The following EYS variants were observed in gnomAD, a reference collection of about 807,000 sequenced individuals.
EYS encodes protein eyes shut homolog.
A neutral mutation model predicts 282.1 loss-of-function variants in EYS; 250 were observed. The observed-to-expected ratio is 0.89, with a 90% CI of 0.80 to 0.98. EYS has a LOEUF of 0.98. Ranked by LOEUF, EYS falls within the 50% of genes least tolerant of loss-of-function variation. The probability of loss-of-function intolerance (pLI) is 0.00; values close to 1 mark genes in which losing one functional copy is unlikely to be tolerated. For synonymous variants in EYS, 1,355 were observed against 1,282.9 expected (o/e 1.06, Z -1.20); for missense variants, 4,016 against 3,709.0 (o/e 1.08, Z -2.15).
Position 64,484,965 on chromosome 6 carries a change from T to C in EYS, c.5645-45613A>G, listed in dbSNP as rs184984356. Among the ~76,000 whole-genome samples the C allele has an allele frequency of 8.9e-3, 1,351 of 151,720 alleles. 11 individuals are homozygous for C. The highest frequency in any genetic ancestry group is 0.014 in the Non-Finnish European group (952 of 67,726). On this transcript the variant is annotated intron_variant, in intron 26 of 42. Transcript: ENST00000503581. Reference sequence around the variant, plus strand: ...TCTAATAAGAGGTATCCACTAGATATGATTTTCAAACAAAAATGTGAAGGG... The same window carrying C: ...TCTAATAAGAGGTATCCACTAGATACGATTTTCAAACAAAAATGTGAAGGG...
intron 12 of EYS, among the ~76,000 whole-genome samples, chr6:65,062,506 T>A (rs922113590): frequency 1.3e-5 from 2 of 151,934 alleles, no homozygotes; most frequent in Non-Finnish European, 2.9e-5. Context: ...CCAGAGTAAT[T>A]TTTTTAAGTG....
At chr6:64,750,954 G>A (rs1772726022) in intron 22 of EYS, among the ~76,000 whole-genome samples, 1 of 151,376 alleles carries the variant, frequency 6.6e-6, no homozygotes, top group Admixed American at 6.6e-5. Context: ...CACTGTCTCT[G>A]CTCCACATTC....
At chr6:64,120,225 G>A (rs899526860) in intron 31 of EYS, among the ~76,000 whole-genome samples, 6 of 150,756 alleles carry the variant, frequency 4.0e-5, no homozygotes, top group Non-Finnish European at 8.9e-5. Context: ...GCATGGTGGC[G>A]GGCCCCTGTA....
intron 1 of EYS, among the ~76,000 whole-genome samples, chr6:65,694,266 A>C (rs898451932): frequency 6.8e-6 from 1 of 147,860 alleles, no homozygotes. Context: ...CTCAAAAAAA[A>C]TAAAAAATAA....
At chr6:64,995,652 T>G (rs573211157) in intron 14 of EYS, among the ~76,000 whole-genome samples, 1 of 152,242 alleles carries the variant, frequency 6.6e-6, no homozygotes, top group Admixed American at 6.5e-5. Flanking sequence ...TATGTTAAAA[T>G]ATATTTAAAC....
chr6:64,318,042 C>T lies in EYS; in HGVS notation c.6079-10960G>A, dbSNP rs540460363. 4.6e-5 allele frequency among the ~76,000 whole-genome samples: 7 copies of T among 151,828 alleles called. No homozygotes were observed. The East Asian group carries it at 1.2e-3, about 25-fold the overall frequency. On this transcript the variant is annotated intron_variant, in intron 29 of 42. Transcript: ENST00000503581. ...AGGGCTTGTCAGGGGGTGGGGGCCT[C>T]GGGGAGGAATAGCATTGGGAGAAAT... is the stretch of plus-strand genomic sequence containing the variant.
At chr6:64,778,702 A>G (rs988258320) in intron 22 of EYS, among the ~76,000 whole-genome samples, 1 of 152,174 alleles carries the variant, frequency 6.6e-6, no homozygotes, top group Non-Finnish European at 1.5e-5. Flanking sequence ...ACCACCAACA[A>G]CAACAAAACT....
At chr6:65,650,716 C>T (rs1021054579) in intron 1 of EYS, among the ~76,000 whole-genome samples, 1 of 152,136 alleles carries the variant, frequency 6.6e-6, no homozygotes, top group African/African-American at 2.4e-5. Context: ...ACAACATTCA[C>T]AGCAGTCCAG....
intron 12 of EYS, among the ~76,000 whole-genome samples, chr6:65,282,807 T>C (rs1435712949): frequency 6.6e-6 from 1 of 152,004 alleles, no homozygotes; most frequent in Non-Finnish European, 1.5e-5. Flanking sequence ...ATAACTATAA[T>C]GTTTTTATTA....
At chr6:64,342,303 G>C (rs1771151102) in intron 29 of EYS, among the ~76,000 whole-genome samples, 1 of 151,650 alleles carries the variant, frequency 6.6e-6, no homozygotes, top group Non-Finnish European at 1.5e-5. Flanking sequence ...AAATGTTAAG[G>C]GCAGCCGGAG....
chr6:65,676,147 A>G (rs1275312851), intron 1 of EYS, among the ~76,000 whole-genome samples: 1 of 151,824 alleles, frequency 6.6e-6, no homozygotes, highest in Non-Finnish European at 1.5e-5. Flanking sequence ...TCTCAAATAA[A>G]CAACCTAACT....
intron 35 of EYS, among the ~76,000 whole-genome samples, chr6:63,897,739 T>C (rs1773568854): frequency 6.6e-6 from 1 of 152,200 alleles, no homozygotes; most frequent in Non-Finnish European, 1.5e-5. Context: ...GGCCATCTGG[T>C]TCAGGTAAAA....
chr6:65,020,534 G>T (rs1486640817), intron 13 of EYS, among the ~76,000 whole-genome samples: 1 of 152,156 alleles, frequency 6.6e-6, no homozygotes, highest in African/African-American at 2.4e-5. Context: ...CTCGATCCTA[G>T]CTGCTTTCAC....
intron 2 of EYS, among the ~76,000 whole-genome samples, chr6:65,578,227 A>G (rs1293278227): frequency 6.6e-6 from 1 of 151,662 alleles, no homozygotes; most frequent in African/African-American, 2.4e-5. Flanking sequence ...ATATACACAC[A>G]ATAGAATACT....
At chr6:64,788,880 A>G (rs1243014059) in intron 22 of EYS, among the ~76,000 whole-genome samples, 1 of 152,062 alleles carries the variant, frequency 6.6e-6, no homozygotes, top group Non-Finnish European at 1.5e-5. Context: ...TTTAATAGTT[A>G]TTTTGTAGTG....
intron 37 of EYS, among the ~76,000 whole-genome samples, chr6:63,792,529 G>C (rs1770542747): frequency 6.6e-6 from 1 of 152,006 alleles, no homozygotes; most frequent in Non-Finnish European, 1.5e-5. Context: ...CATTGCACAT[G>C]TATACATATG....
chr6:64,303,711 C>G (rs7762085), intron 30 of EYS, among the ~76,000 whole-genome samples: 54 of 150,770 alleles, frequency 3.6e-4, no homozygotes, highest in African/African-American at 1.2e-3. Flanking sequence ...CATGGTGGCG[C>G]GCGCCTGTAG....
intron 14 of EYS, among the ~76,000 whole-genome samples, chr6:64,975,912 T>C (rs1358011639): frequency 6.6e-6 from 1 of 151,896 alleles, no homozygotes; most frequent in Non-Finnish European, 1.5e-5. Context: ...TTATGTGATT[T>C]TTTTAAAAAA....
intron 24 of EYS, among the ~76,000 whole-genome samples, chr6:64,595,122 G>T (rs554701667): frequency 6.6e-6 from 1 of 152,180 alleles, no homozygotes; most frequent in Non-Finnish European, 1.5e-5. Context: ...TCCCAGGCAT[G>T]CAAGGATGTT....
Sources: allele counts gnomAD v4.1 joint callset (sites outside exome capture counted in the v4.1 genomes callset), GRCh38; gene constraint gnomAD v4.1.1; transcripts MANE v1.5; gene names NCBI Gene and HGNC (gene_info 2026-07-23, HGNC 2026-07-21).